Variants in FGFR1 observed in about 807,000 individuals in gnomAD.
FGFR1 encodes FGFR1/PLAG1 fusion.
FGFR1 carries 18 observed loss-of-function variants against 93.7 expected under a neutral mutation model. That is an observed-to-expected ratio of 0.19 (90% CI 0.13 to 0.28). FGFR1 has a LOEUF of 0.28. Ranked by LOEUF, FGFR1 falls within the 10% of genes least tolerant of loss-of-function variation. The pLI, the probability that FGFR1 is intolerant of heterozygous loss-of-function variation, is 1.00. For missense variants in FGFR1, 731 were observed against 1,080.4 expected (o/e 0.68, Z 4.53); for synonymous variants, 448 against 429.3 (o/e 1.04, Z -0.54).
At chr8:38,447,942 A>T (rs1335289089) in intron 2 of FGFR1, among the ~76,000 whole-genome samples, 1 of 152,242 alleles carries the variant, frequency 6.6e-6, no homozygotes, top group Non-Finnish European at 1.5e-5. Context: ...TATTGAATGC[A>T]AACTATTGAA....
chr8:38,440,441 AAGG>A, intron 2 of FGFR1: 2 of 1,346,914 alleles, frequency 1.5e-6, no homozygotes, highest in East Asian at 2.5e-5. Context: ...CCCCAAATAG[AAGG>A]AGAGCTGCAA....
rs1563628879 is a variant in FGFR1 at position 38,457,510 on chromosome 8, C to T, written c.-64G>A. ...ATCTCCATGGATACTCCACAGTGAG[C>T]TCGATCCTCCTTTTCAAACTGACCC... On this transcript the variant is annotated 5_prime_UTR_variant, in exon 2 of 18. Transcript: ENST00000447712. 1 of 1,605,964 alleles carries T rather than the reference C, an allele frequency of 6.2e-7. No homozygotes were observed.
chr8:38,433,285 A>G (rs1199686488), intron 2 of FGFR1, among the ~76,000 whole-genome samples: 1 of 151,940 alleles, frequency 6.6e-6, no homozygotes, highest in African/African-American at 2.4e-5. Flanking sequence ...ACGGTGAGCT[A>G]TGATCATGCC....
intron 1 of FGFR1, among the ~76,000 whole-genome samples, chr8:38,464,921 C>T (rs1482713270): frequency 6.6e-6 from 1 of 152,202 alleles, no homozygotes; most frequent in Non-Finnish European, 1.5e-5. Context: ...CAAGTTCATA[C>T]CAGCAAATCT....
intron 2 of FGFR1, among the ~76,000 whole-genome samples, chr8:38,445,040 C>T (rs1586611836): frequency 6.6e-6 from 1 of 152,256 alleles, no homozygotes; most frequent in South Asian, 2.1e-4. Flanking sequence ...CAGCTTCCTC[C>T]ACTGTAAAAT....
At chr8:38,425,190 G>C (rs1230426145) in intron 6 of FGFR1, among the ~76,000 whole-genome samples, 1 of 151,868 alleles carries the variant, frequency 6.6e-6, no homozygotes, top group Non-Finnish European at 1.5e-5. Flanking sequence ...ACCCATGCTG[G>C]AGCACAAGGG....
chr8:38,439,208 T>C (rs1055373607), intron 2 of FGFR1, among the ~76,000 whole-genome samples: 3 of 152,166 alleles, frequency 2.0e-5, no homozygotes, highest in Admixed American at 6.5e-5. Context: ...TGCTGGGTCC[T>C]GGCCCCTCCA....
At chr8:38,438,492 G>A (rs1020357571) in intron 2 of FGFR1, among the ~76,000 whole-genome samples, 23 of 145,016 alleles carry the variant, frequency 1.6e-4, no homozygotes, top group African/African-American at 5.7e-4. Context: ...GCAGTGAACC[G>A]AAATCACACC....
intron 9 of FGFR1, 100 bp downstream of exon 9, chr8:38,419,433 T>C (rs917839444): frequency 8.7e-7 from 1 of 1,147,182 alleles, no homozygotes; most frequent in Admixed American, 1.8e-5. Context: ...AGCCAGAAAA[T>C]AAGGCCCAAA....
At chr8:38,440,341 A>C in intron 2 of FGFR1, 1 of 1,603,624 alleles carries the variant, frequency 6.2e-7, no homozygotes, top group Non-Finnish European at 8.5e-7. Flanking sequence ...GTGCAGAAGC[A>C]TCTCACCGAA....
In FGFR1 at chr8:38,430,050, G is replaced by A. The variant is rs117596666; in HGVS notation, c.92-102C>T. On this transcript the variant is annotated intron_variant, in intron 2 of 17. Transcript: ENST00000447712. The stretch of plus-strand genomic sequence containing the variant: ...CAAAGGGAATTACGCTGGCCACACG[G>A]AGCCGCACCATCCTGGGCATCACTT... 5,235 of 1,192,340 alleles carry A rather than the reference G, an allele frequency of 4.4e-3. 16 individuals carry two copies. The highest frequency in any genetic ancestry group is 5.7e-3 in the Non-Finnish European group (4,855 of 855,814). The allele number at this position is 1,192,340 out of a possible 1,614,324, so 73.9% of individuals were successfully genotyped here.
rs1815363340 is a variant in FGFR1 at position 38,414,033 on chromosome 8, G to A, written c.2187-10C>T. The A allele has an allele frequency of 6.2e-7, 1 of 1,613,806 alleles. No individual in the cohort carries two copies. Among genetic ancestry groups the A allele is most frequent in the African/African-American group, 1.3e-5 (1 of 74,912 alleles). On this transcript the variant is annotated splice_polypyrimidine_tract_variant and intron_variant, in intron 16 of 17. Coordinates refer to ENST00000447712, the MANE Select transcript of FGFR1 (RefSeq NM_023110.3). ...CCGCATCATCATGTACCTGCGGCAG[G>A]ACTGTAAGGTCAGGGACGTCTCCTG...
At chr8:38,448,480 A>G (rs1483067808) in intron 2 of FGFR1, among the ~76,000 whole-genome samples, 1 of 152,154 alleles carries the variant, frequency 6.6e-6, no homozygotes, top group Admixed American at 6.6e-5. Context: ...GGGTTTCGCC[A>G]GGCTGGCCAG....
chr8:38,421,742 C>G (rs17182366), intron 8 of FGFR1, 55 bp downstream of exon 8: 1 of 1,585,212 alleles, frequency 6.3e-7, no homozygotes, highest in East Asian at 2.2e-5. Context: ...AATGCATGCT[C>G]CCCCCGTGCC....
intron 7 of FGFR1, chr8:38,422,197 G>T (rs991633923): frequency 2.3e-5 from 12 of 523,272 alleles, no homozygotes; most frequent in African/African-American, 2.3e-4. Flanking sequence ...GATGCTGGCA[G>T]CCACTGGCCC....
intron 11 of FGFR1, among the ~76,000 whole-genome samples, 195 bp downstream of exon 11, chr8:38,417,675 G>A (rs1467115312): frequency 1.3e-5 from 2 of 152,100 alleles, no homozygotes; most frequent in African/African-American, 2.4e-5. Flanking sequence ...CCAGGTTGAC[G>A]CCAAGGAACA....
intron 1 of FGFR1, chr8:38,465,769 A>C: frequency 4.6e-6 from 1 of 216,362 alleles, no homozygotes; most frequent in Non-Finnish European, 9.3e-6. Flanking sequence ...GGAAACCGGG[A>C]GCCCGGGCCA....
At chr8:38,416,549 G>A (rs1383168031) in intron 12 of FGFR1, among the ~76,000 whole-genome samples, 3 of 134,632 alleles carry the variant, frequency 2.2e-5, no homozygotes, top group East Asian at 2.3e-4. Flanking sequence ...TCCGCCTCCC[G>A]TGTTCAAACG....
rs2150758220 is a variant in FGFR1, at chr8:38,421,914, CTT to C, written c.962_963del (p.Lys321ArgfsTer13). 1 of 1,614,182 alleles carries C rather than the reference CTT, an allele frequency of 6.2e-7. No homozygotes were observed. The highest frequency in any genetic ancestry group is 8.5e-7 in the Non-Finnish European group (1 of 1,180,044). ...LKTAGVNTTD[K>X]EMEVLHLRNV... ...TTTCTTAAGTGAAGCACCTCCATCT[CTT>C]TGTCGGTGGTATTAACTCCAGCAGT... is the stretch of plus-strand genomic sequence containing the variant. On this transcript the variant is annotated frameshift_variant, in exon 8 of 18. Transcript: ENST00000447712. LOFTEE classifies it high-confidence loss of function.
Sources: allele counts gnomAD v4.1 joint callset (sites outside exome capture counted in the v4.1 genomes callset), GRCh38; gene constraint gnomAD v4.1.1; transcripts MANE v1.5; gene names NCBI Gene and HGNC (gene_info 2026-07-23, HGNC 2026-07-21).